Variants in GNE observed in about 807,000 individuals in gnomAD.
The protein encoded by GNE is bifunctional UDP-N-acetylglucosamine 2-epimerase/N-acetylmannosamine kinase.
In GNE, 41 loss-of-function variants were observed where a neutral mutation model predicts 61.8. The observed-to-expected ratio is 0.66, with a 90% CI of 0.52 to 0.86. The LOEUF (loss-of-function observed/expected upper bound fraction) is 0.86, where lower values mean the gene tolerates loss of function less well. Ranked by LOEUF, GNE falls within the 40% of genes least tolerant of loss-of-function variation. GNE has a pLI of 0.00. For synonymous variants in GNE, 264 were observed against 326.4 expected (o/e 0.81, Z 2.06); for missense variants, 608 against 909.1 (o/e 0.67, Z 4.26).
chr9:36,241,532 T>C (rs1042274098), intron 3 of GNE, among the ~76,000 whole-genome samples: 2 of 152,186 alleles, frequency 1.3e-5, no homozygotes, highest in Admixed American at 6.5e-5. Flanking sequence ...CAAGAATACA[T>C]TTCATACAAA....
chr9:36,267,171 A>G (rs550182588), intron 1 of GNE, among the ~76,000 whole-genome samples: 5 of 152,370 alleles, frequency 3.3e-5, no homozygotes, highest in African/African-American at 1.2e-4. Flanking sequence ...AAATGTACTG[A>G]TTAAGATACT....
chr9:36,263,615 T>A (rs1019042484), intron 1 of GNE, among the ~76,000 whole-genome samples: 1 of 152,208 alleles, frequency 6.6e-6, no homozygotes, highest in Non-Finnish European at 1.5e-5. Context: ...CTAATCTCTA[T>A]GGCATTCTCC....
At chr9:36,254,795 T>G (rs1213754957) in intron 1 of GNE, among the ~76,000 whole-genome samples, 1 of 151,572 alleles carries the variant, frequency 6.6e-6, no homozygotes, top group East Asian at 2.0e-4. Flanking sequence ...CTACTAAAAA[T>G]ACAAAAATTA....
chr9:36,256,311 C>G (rs576374077), intron 1 of GNE, among the ~76,000 whole-genome samples: 4 of 138,870 alleles, frequency 2.9e-5, no homozygotes, highest in African/African-American at 1.1e-4. Context: ...GTGGTGCAAT[C>G]TCGGCTCACT....
chr9:36,258,682 T>C (rs1261670089), upstream of GNE, among the ~76,000 whole-genome samples: 1 of 152,246 alleles, frequency 6.6e-6, no homozygotes, highest in Non-Finnish European at 1.5e-5. Context: ...TCCTGCCAGC[T>C]TGTGCTCCCG....
upstream of GNE, among the ~76,000 whole-genome samples, chr9:36,262,572 A>G (rs1158473075): frequency 6.6e-6 from 1 of 152,190 alleles, no homozygotes; most frequent in Admixed American, 6.6e-5. Flanking sequence ...TGAGAACTCT[A>G]CAAGTTGCAA....
intron 3 of GNE, among the ~76,000 whole-genome samples, chr9:36,245,052 C>T (rs1418767430): frequency 1.3e-5 from 2 of 151,368 alleles, no homozygotes; most frequent in Non-Finnish European, 1.5e-5. Context: ...CTGAGGTGGG[C>T]GGATCACCTG....
intron 1 of GNE, among the ~76,000 whole-genome samples, chr9:36,274,745 C>T (rs911338416): frequency 2.7e-5 from 4 of 149,088 alleles, no homozygotes; most frequent in African/African-American, 4.9e-5. Context: ...TCTCTTGAGA[C>T]GGAGTCTCGC....
intron 6 of GNE, among the ~76,000 whole-genome samples, chr9:36,228,153 CAATT>C (rs528578312): frequency 7.9e-5 from 12 of 151,270 alleles, no homozygotes; most frequent in Non-Finnish European, 1.8e-4. Context: ...TTTTATCTGT[CAATT>C]AAAAGTTAAA....
chr9:36,249,419 C>A, intron 1 of GNE, 22 bp from the exon 2 acceptor site: 2 of 1,501,296 alleles, frequency 1.3e-6, no homozygotes, highest in Non-Finnish European at 1.8e-6. Context: ...AAAATAAAAA[C>A]TTTATAATCA....
intron 1 of GNE, among the ~76,000 whole-genome samples, chr9:36,271,648 A>G (rs565554427): frequency 6.6e-6 from 1 of 152,338 alleles, no homozygotes; most frequent in South Asian, 2.1e-4. Flanking sequence ...TGCTGGGATT[A>G]CAGGCGTGAG....
chr9:36,257,802 C>A (rs868518723), intron 1 of GNE, among the ~76,000 whole-genome samples: 1,281 of 25,302 alleles, frequency 0.051, 87 homozygotes, highest in African/African-American at 0.15. Flanking sequence ...GACTCAGTCT[C>A]AAAAAAAAAA....
chr9:36,217,339 G>A lies in GNE; in HGVS notation c.*26C>T, dbSNP rs986281914. On this transcript the variant is annotated 3_prime_UTR_variant, in exon 12 of 12. Coordinates refer to ENST00000642385, the MANE Select transcript of GNE (RefSeq NM_005476.7). Reference sequence around the variant, plus strand: ...TGATTCCACTCAGGAGCTCTGGAGAGAAGGTCCATGTCTGTTCCTGGAGGT... The same window carrying A: ...TGATTCCACTCAGGAGCTCTGGAGAAAAGGTCCATGTCTGTTCCTGGAGGT... 3.5e-6 allele frequency: 5 copies of A among 1,446,380 alleles called. No homozygotes were observed. Among genetic ancestry groups the A allele is most frequent in the Non-Finnish European group, 4.9e-6 (5 of 1,029,432 alleles). 89.6% of individuals were successfully genotyped at this position (1,446,380 alleles called of 1,614,324 possible). A position where few individuals can be genotyped will look rare whatever the true frequency, so the allele number is the denominator to read the frequency against.
rs554511985 is a variant in GNE at position 36,217,893 on chromosome 9, G to T, written c.1933+290C>A. Among the ~76,000 whole-genome samples, 5 of 152,368 alleles carry T rather than the reference G, an allele frequency of 3.3e-5. No individual in the cohort carries two copies. In the East Asian group the frequency reaches 9.6e-4, roughly 29 times the overall value. ...TGATACCTCCAAATGGGAAAACTAA[G>T]TGATATTTTTTCTTACAACTGTCCT... On this transcript the variant is annotated intron_variant, in intron 11 of 11. Coordinates refer to ENST00000642385, the MANE Select transcript of GNE (RefSeq NM_005476.7).
chr9:36,217,336 A>G lies in GNE; in HGVS notation c.*29T>C, dbSNP rs953136700. On this transcript the variant is annotated 3_prime_UTR_variant, in exon 12 of 12. Coordinates refer to ENST00000642385, the MANE Select transcript of GNE (RefSeq NM_005476.7). ...ACTTGATTCCACTCAGGAGCTCTGG[A>G]GAGAAGGTCCATGTCTGTTCCTGGA... 10 of 1,423,754 alleles carry G rather than the reference A, an allele frequency of 7.0e-6. No individual in the cohort carries two copies. Among genetic ancestry groups the G allele is most frequent in the Admixed American group, 3.4e-5 (2 of 58,546 alleles). The allele number at this position is 1,423,754 out of a possible 1,614,324, so 88.2% of individuals were successfully genotyped here.
At chr9:36,229,914 C>T (rs1281672650) in intron 5 of GNE, among the ~76,000 whole-genome samples, 1 of 151,834 alleles carries the variant, frequency 6.6e-6, no homozygotes, top group African/African-American at 2.4e-5. Flanking sequence ...GCAAAAAGTA[C>T]AGAGACCATG....
intron 1 of GNE, among the ~76,000 whole-genome samples, chr9:36,276,675 A>G (rs1205126750): frequency 5.3e-5 from 8 of 152,226 alleles, no homozygotes; most frequent in Admixed American, 2.0e-4. Flanking sequence ...CAGTTTGGAG[A>G]TGCAGAAAGA....
intron 2 of GNE, among the ~76,000 whole-genome samples, 178 bp from the exon 3 acceptor site, chr9:36,246,660 C>CTTTTTTT (rs66781293): frequency 1.7e-5 from 2 of 119,064 alleles, no homozygotes; most frequent in African/African-American, 3.2e-5. Flanking sequence ...GATTAAGATT[C>CTTTTTTT]TTTTTTTTTT....
At chr9:36,260,196 G>A (rs1017593855), upstream of GNE, among the ~76,000 whole-genome samples, 36 of 151,176 alleles carry the variant, frequency 2.4e-4, no homozygotes, top group African/African-American at 7.8e-4. Context: ...TGGGAGGATC[G>A]CTTGTGCTCA....
Sources: allele counts gnomAD v4.1 joint callset (sites outside exome capture counted in the v4.1 genomes callset), GRCh38; gene constraint gnomAD v4.1.1; transcripts MANE v1.5; gene names NCBI Gene and HGNC (gene_info 2026-07-23, HGNC 2026-07-21).